BTNL9: variants seen among roughly 807,000 people sequenced by gnomAD.
BTNL9 encodes butyrophilin like 9.
BTNL9 carries 45 observed loss-of-function variants against 45.8 expected under a neutral mutation model. The ratio of observed to expected loss-of-function variants is 0.98; its 90% confidence interval spans 0.77 to 1.26. The LOEUF (loss-of-function observed/expected upper bound fraction) is 1.26. Ranked by LOEUF, BTNL9 falls within the 50% of genes most tolerant of loss-of-function variation. The pLI, the probability that BTNL9 is intolerant of heterozygous loss-of-function variation, is 0.00. For missense variants in BTNL9, 784 were observed against 729.7 expected, an observed-to-expected ratio of 1.07 and a Z score of -0.86; for synonymous variants, 346 against 330.8, an observed-to-expected ratio of 1.05 and a Z score of -0.50.
At chr5:181,041,785 T>C (rs796283256) in intron 1 of BTNL9, among the ~76,000 whole-genome samples, 7 of 152,374 alleles carry the variant, frequency 4.6e-5, no homozygotes, top group African/African-American at 1.7e-4. Context: ...TACAGACTTT[T>C]TAAAAAGACT....
chr5:181,044,489 G>A (rs1426017746), intron 1 of BTNL9, among the ~76,000 whole-genome samples: 1 of 152,214 alleles, frequency 6.6e-6, no homozygotes, highest in South Asian at 2.1e-4. Context: ...TGGGAAGGCA[G>A]GGGGAAGGGA....
rs1201056069 is a variant in BTNL9 at position 181,053,236 on chromosome 5, C to T, written c.773C>T (p.Ala258Val). The T allele has an allele frequency of 1.3e-6, 2 of 1,589,054 alleles. No homozygotes were observed. Among genetic ancestry groups the T allele is most frequent in the African/African-American group, 1.4e-5 (1 of 71,798 alleles). The change falls in exon 5 of 11, where the codon GCG (alanine) becomes GTG (valine). Residue 258 changes from alanine to valine, a missense_variant. Physicochemically the swap from Ala to Val is moderately conservative, Grantham distance 64. Coordinates refer to ENST00000327705, the MANE Select transcript of BTNL9 (RefSeq NM_152547.5). This position sits in a 1 kb window ranked among gnomAD's most constrained non-coding sequence, Gnocchi z 6.5. ...CCCGGAGCCTCTGCGTGGAAGAGCGCGTTCGTCGCGACCCTGCCGCTGCTG... is the reference window on the plus strand; with the variant it reads ...CCCGGAGCCTCTGCGTGGAAGAGCGTGTTCGTCGCGACCCTGCCGCTGCTG... ...FVPGASAWKS[A>V]FVATLPLLLV...
rs1761447268 is a variant in BTNL9 at position 181,050,020 on chromosome 5, T to C, written c.455-68T>C. On this transcript the variant is annotated intron_variant, in intron 3 of 10. Transcript: ENST00000327705. The surrounding 1 kb of genome is among the most constrained non-coding windows in gnomAD (Gnocchi z 4.9). ...TATGGTGACTGCAAATGCTGAACAG[T>C]GGCAGGAATGTTATGCGTGATTTCT... 5.2e-6 allele frequency: 8 copies of C among 1,537,786 alleles called. No homozygotes were observed. Among genetic ancestry groups the C allele is most frequent in the Non-Finnish European group, 6.2e-6 (7 of 1,134,992 alleles).
At chr5:181,048,790 ATAGTTATATATTATATAATTATAT>A (rs749242985) in intron 3 of BTNL9, among the ~76,000 whole-genome samples, 68,281 of 101,842 alleles carry the variant, frequency 0.67, 18,917 homozygotes, top group African/African-American at 0.68. Context: ...TATTAATTAT[ATAGTTATATATTATATAATTATAT>A]TAGTTATATA....
chr5:181,046,852 G>C (rs1761203317), intron 2 of BTNL9, among the ~76,000 whole-genome samples: 1 of 152,204 alleles, frequency 6.6e-6, no homozygotes, highest in African/African-American at 2.4e-5. Flanking sequence ...TCCCCAGGAA[G>C]TTGACAGGTA....
chr5:181,047,711 C>T lies in BTNL9; in HGVS notation c.110-216C>T, dbSNP rs1393653055. On this transcript the variant is annotated intron_variant, in intron 2 of 10. Transcript: ENST00000327705. ...CAGTTACCAGCTCAGCACCACAAAT[C>T]TGGTTGTGATGTCACCTGTGTATTT... 5.3e-5 allele frequency among the ~76,000 whole-genome samples: 8 copies of T among 152,214 alleles called. No homozygotes were observed. The East Asian group carries it at 1.3e-3, about 26-fold the overall frequency.
At chr5:181,044,401 G>A (rs1043372877) in intron 1 of BTNL9, among the ~76,000 whole-genome samples, 5 of 152,282 alleles carry the variant, frequency 3.3e-5, no homozygotes, top group Admixed American at 6.5e-5. Flanking sequence ...GGAGCCCACC[G>A]TGGCCTTCCA....
Position 181,059,751 on chromosome 5 carries a change from C to A in BTNL9, c.1497C>A (p.Pro499=). The A allele has an allele frequency of 6.2e-7, 1 of 1,612,546 alleles. No individual in the cohort carries two copies. The highest frequency in any genetic ancestry group is 8.5e-7 in the Non-Finnish European group (1 of 1,179,902). The change falls in exon 11 of 11, where the codon CCC becomes CCA. Residue 499 remains proline, a synonymous_variant. Coordinates refer to ENST00000327705, the MANE Select transcript of BTNL9 (RefSeq NM_152547.5). The part of the protein sequence containing the change: ...RAHDGGEHPD[P]LTICPLPVRG... ...ACGACGGCGGCGAACATCCGGATCCCCTGACCATCTGCCCGCTGCCGGTTA... is the reference window on the plus strand; with the variant it reads ...ACGACGGCGGCGAACATCCGGATCCACTGACCATCTGCCCGCTGCCGGTTA...
intron 9 of BTNL9, chr5:181,056,555 AG>A (rs1382425248): frequency 1.4e-6 from 1 of 717,426 alleles, no homozygotes; most frequent in Non-Finnish European, 2.6e-6. Context: ...CGTTTTAGCC[AG>A]CCACCCTCCT....
chr5:181,053,222 T>C lies in BTNL9; in HGVS notation c.759T>C (p.Ser253=). ...QIADVFVPGA[S]AWKSAFVATL... ...CAGACGTGTTCGTACCCGGAGCCTC[T>C]GCGTGGAAGAGCGCGTTCGTCGCGA... The change falls in exon 5 of 11, where the codon TCT becomes TCC. Residue 253 remains serine (S), a synonymous_variant. Transcript: ENST00000327705. The surrounding 1 kb of genome is among the most constrained non-coding windows in gnomAD (Gnocchi z 6.5). The C allele has an allele frequency of 6.3e-7, 1 of 1,588,120 alleles. No homozygotes were observed. The highest frequency in any genetic ancestry group is 8.6e-7 in the Non-Finnish European group (1 of 1,168,162).
Position 181,045,545 on chromosome 5 carries a change from G to A in BTNL9, c.56G>A (p.Ser19Asn), listed in dbSNP as rs1362281320. ...TTGAAGCCAGTATCGCTGACCAGCA[G>A]TCTTGTCTTCCTCATGCACCTCCTC... ...DSLKPVSLTSSLVFLMHLLLL... is the reference protein window; with the variant it reads ...DSLKPVSLTSNLVFLMHLLLL... The change falls in exon 2 of 11, where the codon AGT (serine) becomes AAT (asparagine). Residue 19 changes from serine to asparagine, a missense_variant. Ser to Asn is a conservative substitution (Grantham distance 46). Coordinates refer to ENST00000327705, the MANE Select transcript of BTNL9 (RefSeq NM_152547.5). The A allele has an allele frequency of 1.2e-6, 2 of 1,612,766 alleles. No individual in the cohort carries two copies. Among genetic ancestry groups the A allele is most frequent in the Non-Finnish European group, 1.7e-6 (2 of 1,179,448 alleles).
chr5:181,048,918 A>C (rs1761381958), intron 3 of BTNL9, among the ~76,000 whole-genome samples: 1 of 81,342 alleles, frequency 1.2e-5, no homozygotes, highest in Non-Finnish European at 2.8e-5. Context: ...TATAATATAA[A>C]AATAATATAT....
chr5:181,053,627 C>T lies in BTNL9; in HGVS notation c.886+126C>T. 3 of 1,544,368 alleles carry T rather than the reference C, an allele frequency of 1.9e-6. No homozygotes were observed. The highest frequency in any genetic ancestry group is 2.6e-6 in the Non-Finnish European group (3 of 1,142,986). On this transcript the variant is annotated intron_variant, in intron 6 of 10. Coordinates refer to ENST00000327705, the MANE Select transcript of BTNL9 (RefSeq NM_152547.5). The surrounding 1 kb of genome is among the most constrained non-coding windows in gnomAD (Gnocchi z 6.5). ...AGGTGTCAGGGCGGCCACCGGGGAA[C>T]GGGGATCGGTGACCCCGGTGGGGAA...
rs528980491 is a variant in BTNL9, at chr5:181,047,130, AG to A, written c.110-795del. 2.6e-3 allele frequency among the ~76,000 whole-genome samples: 398 copies of A among 152,320 alleles called. 2 individuals are homozygous for A. Among genetic ancestry groups the A allele is most frequent in the African/African-American group, 9.3e-3 (388 of 41,558 alleles). ...GAAAGAAAGGAGAGGAGAAGTACAG[AG>A]GCCAGAGAGAAGAGTGAGTGCCTGT... On this transcript the variant is annotated intron_variant, in intron 2 of 10. Transcript: ENST00000327705.
At position 181,040,342 on chromosome 5, in the gene BTNL9, A is replaced by C. The variant is rs1760713718; in HGVS notation, c.-114A>C. 1 of 152,226 alleles carries C rather than the reference A, an allele frequency of 6.6e-6. No homozygotes were observed. Among genetic ancestry groups the C allele is most frequent in the South Asian group, 2.1e-4 (1 of 4,832 alleles). The allele number at this position is 152,226 out of a possible 1,614,324, so 9.4% of individuals were successfully genotyped here. Reference sequence around the variant, plus strand: ...TAGGGAATCTTAGCATCTGGGACCAAGACACTTTACAGCAATCATCACCCT... The same window carrying C: ...TAGGGAATCTTAGCATCTGGGACCACGACACTTTACAGCAATCATCACCCT... On this transcript the variant is annotated 5_prime_UTR_variant, in exon 1 of 11. Coordinates refer to ENST00000327705, the MANE Select transcript of BTNL9 (RefSeq NM_152547.5).
intron 10 of BTNL9, 100 bp downstream of exon 10, chr5:181,058,478 AGCCAAGTATGGG>A: frequency 6.6e-7 from 1 of 1,512,832 alleles, no homozygotes; most frequent in Non-Finnish European, 9.2e-7. Flanking sequence ...GCTTTATAGG[AGCCAAGTATGGG>A]GCCTGCACAC....
In BTNL9 at chr5:181,050,218, T is replaced by C. The variant is rs1423422054; in HGVS notation, c.585T>C (p.Pro195=). 1 of 1,614,074 alleles carries C rather than the reference T, an allele frequency of 6.2e-7. No homozygotes were observed. The highest frequency in any genetic ancestry group is 8.5e-7 in the Non-Finnish European group (1 of 1,180,026). ...QWRDHQGQCL[P]PEFEAIVWDA... ...GAGACCACCAGGGACAGTGCCTGCC[T>C]CCAGAGTTTGAAGCCATCGTCTGGG... The change falls in exon 4 of 11, where the codon CCT becomes CCC. Residue 195 remains proline, a synonymous_variant. Coordinates refer to ENST00000327705, the MANE Select transcript of BTNL9 (RefSeq NM_152547.5). This position sits in a 1 kb window ranked among gnomAD's most constrained non-coding sequence, Gnocchi z 4.9.
chr5:181,046,341 A>G (rs111550784), intron 2 of BTNL9, among the ~76,000 whole-genome samples: 66 of 151,520 alleles, frequency 4.4e-4, no homozygotes, highest in Middle Eastern at 6.9e-3. Context: ...AGCCCCCAAC[A>G]CCTCCTGCAC....
At position 181,059,089 on chromosome 5, in the gene BTNL9, AG is replaced by A. The variant is rs1196090344; in HGVS notation, c.983-143del. The A allele has an allele frequency of 2.3e-6, 3 of 1,291,196 alleles. No individual in the cohort carries two copies. The East Asian group carries it at 9.1e-5, about 39-fold the overall frequency. 80.0% of individuals were successfully genotyped at this position (1,291,196 alleles called of 1,614,324 possible). A position where few individuals can be genotyped will look rare whatever the true frequency, so the allele number is the denominator to read the frequency against. On this transcript the variant is annotated intron_variant, in intron 10 of 10. Coordinates refer to ENST00000327705, the MANE Select transcript of BTNL9 (RefSeq NM_152547.5). ...GACACATGCCACTTCAGTCCTGGGG[AG>A]GGGGTTTGCAGGGGTGAGGGTCGGG... is the stretch of plus-strand genomic sequence containing the variant.
Sources: gnomAD v4.1 joint callset for allele counts (sites outside exome capture counted in the v4.1 genomes callset) on GRCh38, gnomAD v4.1.1 for gene constraint, Gnocchi (gnomAD v3.1) non-coding constraint, MANE v1.5 for transcripts, NCBI Gene and HGNC (gene_info 2026-07-23, HGNC 2026-07-21) for gene names.